Variants in FXR1 observed in about 807,000 individuals in gnomAD.
The protein encoded by FXR1 is RNA-binding protein FXR1.
FXR1 carries 15 observed loss-of-function variants against 84.0 expected under a neutral mutation model. The observed-to-expected ratio is 0.18, with a 90% CI of 0.12 to 0.27. The LOEUF (loss-of-function observed/expected upper bound fraction) is 0.27, where lower values mean the gene tolerates loss of function less well. Ranked by LOEUF, FXR1 falls within the 10% of genes least tolerant of loss-of-function variation. The probability of loss-of-function intolerance (pLI) is 1.00; values close to 1 mark genes in which losing one functional copy is unlikely to be tolerated. For missense variants in FXR1, 480 were observed against 774.4 expected (o/e 0.62, Z 4.51); for synonymous variants, 245 against 250.7 (o/e 0.98, Z 0.21).
chr3:180,915,500 A>G (rs1234319453), intron 1 of FXR1: 4 of 1,500,412 alleles, frequency 2.7e-6, no homozygotes, highest in Non-Finnish European at 3.6e-6. Context: ...GTTTTTTTCC[A>G]ATTTAGAAGA....
In FXR1 at chr3:180,915,397, T is replaced by C. The variant is rs1355207199; in HGVS notation, c.51+2661T>C. On this transcript the variant is annotated intron_variant, in intron 1 of 16. Transcript: ENST00000357559. ...TTTTCTGTCCCCATAGTTTTTCTTA[T>C]TCAGAACGTTACGTATATAGAATCG... 11 of 726,832 alleles carry C rather than the reference T, an allele frequency of 1.5e-5. No homozygotes were observed. In the Admixed American group the frequency reaches 1.7e-4, roughly 11 times the overall value. 45.0% of individuals were successfully genotyped at this position (726,832 alleles called of 1,614,324 possible).
chr3:180,953,772 C>A lies in FXR1; in HGVS notation c.812C>A (p.Ala271Asp). 1 of 1,560,226 alleles carries A rather than the reference C, an allele frequency of 6.4e-7. No individual in the cohort carries two copies. The highest frequency in any genetic ancestry group is 8.8e-7 in the Non-Finnish European group (1 of 1,132,106). The change falls in exon 9 of 17, where the codon GCT becomes GAT. Residue 271 changes from alanine (A) to aspartate (D), a missense_variant. Physicochemically the swap from Ala to Asp is moderately radical, Grantham distance 126. This residue lies in a region of FXR1 where 136 missense variants were observed against 315.4 expected (regional missense o/e 0.43). Transcript: ENST00000357559. ...TCCCCTCATCTACAGAGTGCTGATGCTGTAAAAAAGGCTAGAGGTTTCTTG... is the reference window on the plus strand; with the variant it reads ...TCCCCTCATCTACAGAGTGCTGATGATGTAAAAAAGGCTAGAGGTTTCTTG... Reference protein sequence around the residue: ...TFRIYGESADAVKKARGFLEF... With the variant: ...TFRIYGESADDVKKARGFLEF...
In FXR1 at chr3:180,914,873, G is replaced by A. The variant is rs182031741; in HGVS notation, c.51+2137G>A. The A allele has an allele frequency of 3.0e-6, 3 of 983,708 alleles. No homozygotes were observed. The Admixed American group carries it at 1.8e-4, about 60-fold the overall frequency. 60.9% of individuals were successfully genotyped at this position (983,708 alleles called of 1,614,324 possible). ...TACGCTTGAACATTTGGAATTTTAT[G>A]TCCAGCCATAATCCACTTGCATATG... On this transcript the variant is annotated intron_variant, in intron 1 of 16. Coordinates refer to ENST00000357559, the MANE Select transcript of FXR1 (RefSeq NM_005087.4).
At position 180,953,766 on chromosome 3, in the gene FXR1, C is replaced by A; in HGVS notation, c.806C>A (p.Ala269Asp). ...TGTFRIYGES[A>D]DAVKKARGFL... ...TACTTTTCCCCTCATCTACAGAGTG[C>A]TGATGCTGTAAAAAAGGCTAGAGGT... Residue 269 changes from alanine (A) to aspartate (D), a missense_variant, in exon 9 of 17, where the codon GCT (alanine) becomes GAT (aspartate). By Grantham distance (126) the Ala-to-Asp change is moderately radical (BLOSUM62 -2). Transcript: ENST00000357559. 6.5e-7 allele frequency: 1 copy of A among 1,535,972 alleles called. No homozygotes were observed. The highest frequency in any genetic ancestry group is 9.0e-7 in the Non-Finnish European group (1 of 1,110,228).
intron 1 of FXR1, among the ~76,000 whole-genome samples, chr3:180,922,548 A>G (rs900963604): frequency 2.0e-5 from 3 of 152,032 alleles, no homozygotes; most frequent in Non-Finnish European, 2.9e-5. Flanking sequence ...TTTCTGTATT[A>G]TGGATATTAA....
chr3:180,921,159 C>T (rs1412720017), intron 1 of FXR1, among the ~76,000 whole-genome samples: 1 of 151,892 alleles, frequency 6.6e-6, no homozygotes, highest in African/African-American at 2.4e-5. Context: ...CACTTGAGGG[C>T]AGGAGTTCGA....
rs762764702 is a variant in FXR1 at position 180,976,170 on chromosome 3, G to A, written c.1744G>A (p.Gly582Ser). ...TGGTCCTTCAGAAAAGGCAATAAAC[G>A]GCCCAACTAGTGCTTCTGGCGATGA... ...EHGPSEKAIN[G>S]PTSASGDDIS... The change falls in exon 17 of 17, where the codon GGC becomes AGC. Residue 582 changes from glycine to serine, a missense_variant. By Grantham distance (56) the Gly-to-Ser change is moderately conservative (BLOSUM62 0). Transcript: ENST00000357559. 28 of 1,613,214 alleles carry A rather than the reference G, an allele frequency of 1.7e-5. No individual in the cohort carries two copies. The highest frequency in any genetic ancestry group is 3.3e-4 in the Middle Eastern group (2 of 6,060).
At chr3:180,965,862 C>T (rs373256182) in intron 13 of FXR1, among the ~76,000 whole-genome samples, 1 of 152,164 alleles carries the variant, frequency 6.6e-6, no homozygotes, top group African/African-American at 2.4e-5. Context: ...GACATTCCCT[C>T]TAAGTCTCTT....
Position 180,968,137 on chromosome 3 carries a change from G to A in FXR1, c.1285G>A (p.Asp429Asn), listed in dbSNP as rs1051080. Residue 429 changes from aspartate (D) to asparagine (N), a missense_variant, in exon 14 of 17, where the codon GAT (aspartate) becomes AAT (asparagine). Transcript: ENST00000357559. The part of the protein sequence containing the change: ...LSDWSLAGED[D>N]RDSRHQRDSR... Reference sequence around the variant, plus strand: ...TGATTGGTCATTGGCAGGAGAAGATGATCGAGACAGCCGACATCAGCGTGA... The same window carrying A: ...TGATTGGTCATTGGCAGGAGAAGATAATCGAGACAGCCGACATCAGCGTGA... 1 of 1,613,612 alleles carries A rather than the reference G, an allele frequency of 6.2e-7. No individual in the cohort carries two copies. The highest frequency in any genetic ancestry group is 8.5e-7 in the Non-Finnish European group (1 of 1,179,530).
rs1714535678 is a variant in FXR1 at position 180,980,036 on chromosome 3, T to A, written c.*3744T>A. ...GGTACAGAATTAGAAGCTGCTATTT[T>A]AGCTCTATTAACTTTTTCTCTATGG... On this transcript the variant is annotated 3_prime_UTR_variant, in exon 17 of 17. Coordinates refer to ENST00000357559, the MANE Select transcript of FXR1 (RefSeq NM_005087.4). 6.6e-6 allele frequency: 1 copy of A among 152,080 alleles called. No homozygotes were observed. The highest frequency in any genetic ancestry group is 1.5e-5 in the Non-Finnish European group (1 of 67,922). 9.4% of individuals were successfully genotyped at this position (152,080 alleles called of 1,614,324 possible). A position where few individuals can be genotyped will look rare whatever the true frequency, so the allele number is the denominator to read the frequency against.
At chr3:180,924,178 G>A (rs1718905288) in intron 1 of FXR1, among the ~76,000 whole-genome samples, 1 of 152,192 alleles carries the variant, frequency 6.6e-6, no homozygotes. Context: ...TCGAACTCCT[G>A]ACCTCAGGTG....
intron 1 of FXR1, 105 bp downstream of exon 1, chr3:180,912,841 A>G: frequency 1.3e-6 from 2 of 1,597,200 alleles, no homozygotes; most frequent in South Asian, 2.2e-5. Context: ...AAAGGCAGCC[A>G]GGCCAAAGCT....
chr3:180,923,221 T>C (rs1159729660), intron 1 of FXR1, among the ~76,000 whole-genome samples: 2 of 152,220 alleles, frequency 1.3e-5, no homozygotes, highest in African/African-American at 2.4e-5. Context: ...CCCTCACTTC[T>C]AGGATTGGGA....
Position 180,961,539 on chromosome 3 carries a change from T to C in FXR1, c.1062T>C (p.His354=), listed in dbSNP as rs1805617. The C allele has an allele frequency of 8.0e-4, 1,187 of 1,491,916 alleles. 9 individuals carry two copies. The African/African-American group carries it at 0.014, about 18-fold the overall frequency. 92.4% of individuals were successfully genotyped at this position (1,491,916 alleles called of 1,614,324 possible). A position where few individuals can be genotyped will look rare whatever the true frequency, so the allele number is the denominator to read the frequency against. ...ATGTGCAGGTTCTTCTAGAGTATCA[T>C]ATTGCCTATCTAAAGGTTTGTATAC... ...IGNVQVLLEY[H]IAYLKEVEQL... The change falls in exon 11 of 17, where the codon CAT becomes CAC. Residue 354 remains histidine, a synonymous_variant. Coordinates refer to ENST00000357559, the MANE Select transcript of FXR1 (RefSeq NM_005087.4).
chr3:180,944,713 G>A (rs1028865583), intron 3 of FXR1, among the ~76,000 whole-genome samples: 3 of 152,088 alleles, frequency 2.0e-5, no homozygotes, highest in Admixed American at 2.0e-4. Context: ...GACTTCCTGG[G>A]CTCAAGAGAT....
chr3:180,926,502 A>T (rs796746868), intron 1 of FXR1, among the ~76,000 whole-genome samples: 6,046 of 48,838 alleles, frequency 0.12, 236 homozygotes, highest in African/African-American at 0.29. Flanking sequence ...ATATATATAT[A>T]TATATTTTTT....
In FXR1 at chr3:180,933,118, A is replaced by G. The variant is rs917798772; in HGVS notation, c.52-216A>G. ...CATTTACTTTTGCTAATTCCCAGGTAGATGACACCGGGTGAAAAATGAGGT... is the reference window on the plus strand; with the variant it reads ...CATTTACTTTTGCTAATTCCCAGGTGGATGACACCGGGTGAAAAATGAGGT... On this transcript the variant is annotated intron_variant, in intron 1 of 16. Transcript: ENST00000357559. The G allele has an allele frequency of 6.1e-6, 3 of 495,772 alleles. No individual in the cohort carries two copies. The Admixed American group carries it at 1.2e-4, about 20-fold the overall frequency. 30.7% of individuals were successfully genotyped at this position (495,772 alleles called of 1,614,324 possible).
At chr3:180,948,667 C>A in intron 5 of FXR1, 54 bp from the exon 6 acceptor site, 1 of 1,021,252 alleles carries the variant, frequency 9.8e-7, no homozygotes, top group South Asian at 1.3e-5. Context: ...TTGTGACTCT[C>A]CTCTGACTTT....
chr3:180,951,707 C>T (rs939266718), intron 8 of FXR1, among the ~76,000 whole-genome samples: 3 of 152,076 alleles, frequency 2.0e-5, no homozygotes, highest in Admixed American at 6.6e-5. Flanking sequence ...GTTTCTTAAC[C>T]GCTTCTGAGT....
Sources: allele counts gnomAD v4.1 joint callset (sites outside exome capture counted in the v4.1 genomes callset), GRCh38; gene constraint gnomAD v4.1.1; regional missense constraint gnomAD v4.1.1; transcripts MANE v1.5; gene names NCBI Gene and HGNC (gene_info 2026-07-23, HGNC 2026-07-21).